Variants in KIAA1549L observed in about 807,000 individuals in gnomAD.
KIAA1549L encodes KIAA1549 like, also known as UPF0606 protein KIAA1549L.
Under a neutral mutation model 160.7 loss-of-function variants are expected in KIAA1549L, and 88 were observed. The observed-to-expected ratio is 0.55, with a 90% CI of 0.46 to 0.65. The LOEUF (loss-of-function observed/expected upper bound fraction) is 0.65, where lower values mean the gene tolerates loss of function less well. Ranked by LOEUF, KIAA1549L falls within the 30% of genes least tolerant of loss-of-function variation. The pLI, the probability that KIAA1549L is intolerant of heterozygous loss-of-function variation, is 0.00. For missense variants in KIAA1549L, 2,258 were observed against 2,437.5 expected (o/e 0.93, Z 1.55); for synonymous variants, 950 against 976.7 (o/e 0.97, Z 0.51).
At chr11:33,546,741 T>C (rs1854276840) in intron 3 of KIAA1549L, among the ~76,000 whole-genome samples, 1 of 152,160 alleles carries the variant, frequency 6.6e-6, no homozygotes, top group African/African-American at 2.4e-5. Flanking sequence ...CTGCAGGGGA[T>C]CTATTCCGAG....
chr11:33,396,501 G>A (rs1219890534), intron 1 of KIAA1549L, among the ~76,000 whole-genome samples: 2 of 152,196 alleles, frequency 1.3e-5, no homozygotes, highest in African/African-American at 2.4e-5. Flanking sequence ...CTTGAATAGA[G>A]GTTGAATGGA....
At chr11:33,632,226 G>A (rs1358689239) in intron 16 of KIAA1549L, among the ~76,000 whole-genome samples, 1 of 152,212 alleles carries the variant, frequency 6.6e-6, no homozygotes, top group Non-Finnish European at 1.5e-5. Flanking sequence ...GTTCCCTTGT[G>A]TGTTGGCTGT....
chr11:33,618,774 G>T, intron 16 of KIAA1549L, 112 bp downstream of exon 16: 1 of 1,056,152 alleles, frequency 9.5e-7, no homozygotes, highest in Non-Finnish European at 1.3e-6. Context: ...ATTTTAAAAA[G>T]CACTAAAATG....
intron 1 of KIAA1549L, among the ~76,000 whole-genome samples, 173 bp downstream of exon 1, chr11:33,377,062 G>GGGAA (rs1849969744): frequency 6.6e-6 from 1 of 152,058 alleles, no homozygotes; most frequent in African/African-American, 2.4e-5. Flanking sequence ...ACTTTGGGCG[G>GGGAA]GGAAGAAAAA....
In KIAA1549L at chr11:33,563,976, A is replaced by G. The variant is rs149555533; in HGVS notation, c.4078+2241A>G. Among the ~76,000 whole-genome samples the G allele has an allele frequency of 8.6e-3, 1,312 of 152,178 alleles. 9 individuals are homozygous for G. The highest frequency in any genetic ancestry group is 0.024 in the Middle Eastern group (7 of 292). ...TAACATAACCTTAATCAAAAGCTCCATTCCAGGTCTTTTTTTCAGGACTCT... is the reference window on the plus strand; with the variant it reads ...TAACATAACCTTAATCAAAAGCTCCGTTCCAGGTCTTTTTTTCAGGACTCT... On this transcript the variant is annotated intron_variant, in intron 8 of 20. Transcript: ENST00000658780.
At chr11:33,555,555 T>TG (rs985626125) in intron 6 of KIAA1549L, among the ~76,000 whole-genome samples, 3 of 152,194 alleles carry the variant, frequency 2.0e-5, no homozygotes, top group African/African-American at 7.2e-5. Flanking sequence ...GGCTATTCAA[T>TG]GGGGAAAGGA....
chr11:33,552,336 C>G (rs1018008863), intron 6 of KIAA1549L, 95 bp downstream of exon 6: 1 of 1,342,016 alleles, frequency 7.5e-7, no homozygotes, highest in African/African-American at 1.5e-5. Flanking sequence ...TCAGAGCTAC[C>G]ATGTATAAAT....
intron 1 of KIAA1549L, among the ~76,000 whole-genome samples, chr11:33,466,535 T>TGGTGG (rs1250460311): frequency 6.6e-6 from 1 of 152,180 alleles, no homozygotes; most frequent in East Asian, 1.9e-4. Flanking sequence ...GTAAACTAGT[T>TGGTGG]CAACCATTGT....
intron 1 of KIAA1549L, among the ~76,000 whole-genome samples, chr11:33,429,711 G>A (rs117763466): frequency 0.015 from 2,297 of 152,026 alleles, 32 homozygotes; most frequent in Non-Finnish European, 0.023. Flanking sequence ...TACCCTGAAC[G>A]TCCCCCTCCT....
chr11:33,423,248 A>G (rs1851055383), intron 1 of KIAA1549L, among the ~76,000 whole-genome samples: 2 of 152,228 alleles, frequency 1.3e-5, no homozygotes, highest in African/African-American at 4.8e-5. Flanking sequence ...ATCAATTTGA[A>G]AAAAGCCCCT....
At chr11:33,479,119 A>G (rs772663218) in intron 1 of KIAA1549L, among the ~76,000 whole-genome samples, 3 of 152,118 alleles carry the variant, frequency 2.0e-5, no homozygotes, top group Non-Finnish European at 4.4e-5. Flanking sequence ...TTATGTTTTT[A>G]TCCTCTTTGC....
intron 1 of KIAA1549L, among the ~76,000 whole-genome samples, chr11:33,408,793 A>C (rs1850726462): frequency 6.7e-6 from 1 of 150,190 alleles, no homozygotes; most frequent in African/African-American, 2.4e-5. Flanking sequence ...AAAAAAAAAA[A>C]AAAAAAATTA....
intron 1 of KIAA1549L, among the ~76,000 whole-genome samples, chr11:33,477,469 T>G (rs1213629334): frequency 3.3e-5 from 5 of 152,140 alleles, no homozygotes; most frequent in African/African-American, 1.2e-4. Flanking sequence ...AAAGGCACTG[T>G]GATGAATAAT....
At chr11:33,581,983 T>G (rs1213763494) in intron 10 of KIAA1549L, among the ~76,000 whole-genome samples, 1 of 152,228 alleles carries the variant, frequency 6.6e-6, no homozygotes, top group East Asian at 1.9e-4. Flanking sequence ...ACTGATATAC[T>G]GTACATTTTT....
chr11:33,606,002 C>T (rs906200781), intron 13 of KIAA1549L, among the ~76,000 whole-genome samples: 2 of 152,194 alleles, frequency 1.3e-5, no homozygotes, highest in African/African-American at 4.8e-5. Flanking sequence ...AGAAATCCTT[C>T]TACTTAATTA....
intron 1 of KIAA1549L, among the ~76,000 whole-genome samples, chr11:33,408,645 G>T (rs1312619599): frequency 1.3e-5 from 2 of 151,410 alleles, no homozygotes; most frequent in Admixed American, 6.6e-5. Context: ...AAGTGATATA[G>T]ACTTTCCTTG....
chr11:33,430,083 C>T (rs1590238226), intron 1 of KIAA1549L, among the ~76,000 whole-genome samples: 1 of 143,808 alleles, frequency 7.0e-6, no homozygotes, highest in South Asian at 2.3e-4. Flanking sequence ...CCCTTCCCTC[C>T]CTCCCTCTCT....
intron 1 of KIAA1549L, among the ~76,000 whole-genome samples, chr11:33,406,579 C>T (rs1310532162): frequency 1.3e-5 from 2 of 152,226 alleles, no homozygotes; most frequent in Non-Finnish European, 2.9e-5. Flanking sequence ...GTAATCCGCG[C>T]AGCGGAGCAA....
At chr11:33,416,134 C>T (rs1229191487) in intron 1 of KIAA1549L, among the ~76,000 whole-genome samples, 1 of 152,130 alleles carries the variant, frequency 6.6e-6, no homozygotes, top group Non-Finnish European at 1.5e-5. Context: ...AGGCAGGTGA[C>T]CACCCCTGAG....
Sources: gnomAD v4.1 joint callset for allele counts (sites outside exome capture counted in the v4.1 genomes callset) on GRCh38, gnomAD v4.1.1 for gene constraint, MANE v1.5 for transcripts, NCBI Gene and HGNC (gene_info 2026-07-23, HGNC 2026-07-21) for gene names.